The following GABPB2 variants were observed in gnomAD, a reference collection of about 807,000 sequenced individuals.
GABPB2 encodes the protein GA binding protein transcription factor subunit beta 2, also known as GA-binding protein subunit beta-2.
In GABPB2, 23 loss-of-function variants were observed where a neutral mutation model predicts 39.1. The ratio of observed to expected loss-of-function variants is 0.59; its 90% CI spans 0.42 to 0.83. GABPB2 has a LOEUF of 0.83. Ranked by LOEUF, GABPB2 falls within the 40% of genes least tolerant of loss-of-function variation. GABPB2 has a pLI of 0.00. For synonymous variants in GABPB2, 184 were observed against 199.3 expected (o/e 0.92, Z 0.65); for missense variants, 467 against 541.1 (o/e 0.86, Z 1.36).
At chr1:151,093,632 A>G (rs1409034679) in intron 4 of GABPB2, among the ~76,000 whole-genome samples, 1 of 150,250 alleles carries the variant, frequency 6.7e-6, no homozygotes, top group Non-Finnish European at 1.5e-5. Flanking sequence ...TAATATATAT[A>G]TTCTATAAAG....
At chr1:151,085,342 A>T (rs1678089610) in intron 1 of GABPB2, among the ~76,000 whole-genome samples, 1 of 152,194 alleles carries the variant, frequency 6.6e-6, no homozygotes, top group Non-Finnish European at 1.5e-5. Flanking sequence ...GGTTGCAGTG[A>T]TCTGAAATCA....
At chr1:151,109,575 G>A (rs1327771823) in intron 7 of GABPB2, among the ~76,000 whole-genome samples, 1 of 151,076 alleles carries the variant, frequency 6.6e-6, no homozygotes, top group East Asian at 1.9e-4. Context: ...TGGTCAGCCT[G>A]GTCTCGAACT....
chr1:151,113,783 G>T (rs1338278149), intron 7 of GABPB2, among the ~76,000 whole-genome samples: 1 of 152,162 alleles, frequency 6.6e-6, no homozygotes, highest in Non-Finnish European at 1.5e-5. Context: ...CTCCCAAAGT[G>T]CTGGGATTAC....
rs1233612999 is a variant in GABPB2 at position 151,115,677 on chromosome 1, A to G, written c.923-1715A>G. Among the ~76,000 whole-genome samples the G allele has an allele frequency of 2.6e-5, 4 of 152,128 alleles. No homozygotes were observed. The East Asian group carries it at 5.8e-4, about 22-fold the overall frequency. On this transcript the variant is annotated intron_variant, in intron 7 of 8. Transcript: ENST00000368918. ...CGACCCCCCAAAGTGCTGGGATTAC[A>G]GGGCATGAGCCACTGCGCCCATCCT...
chr1:151,090,794 C>T (rs1678611869), intron 3 of GABPB2, among the ~76,000 whole-genome samples: 1 of 151,582 alleles, frequency 6.6e-6, no homozygotes, highest in Non-Finnish European at 1.5e-5. Context: ...GAATTCGAGA[C>T]CAGCCAGACC....
chr1:151,078,858 G>A (rs1351880873), intron 1 of GABPB2, among the ~76,000 whole-genome samples: 1 of 151,552 alleles, frequency 6.6e-6, no homozygotes, highest in Non-Finnish European at 1.5e-5. Context: ...TTTTAGTAGG[G>A]GCGGGATTTC....
At chr1:151,099,258 C>T (rs373780647) in intron 5 of GABPB2, among the ~76,000 whole-genome samples, 27 of 151,692 alleles carry the variant, frequency 1.8e-4, no homozygotes, top group African/African-American at 5.1e-4. Context: ...AGTGCAGTGG[C>T]GCAATCTTGG....
At chr1:151,116,943 A>G (rs1294269378) in intron 7 of GABPB2, among the ~76,000 whole-genome samples, 1 of 152,060 alleles carries the variant, frequency 6.6e-6, no homozygotes, top group Non-Finnish European at 1.5e-5. Context: ...AATTGGCCAT[A>G]GGTGACCTAG....
chr1:151,090,682 C>CAGTT, intron 3 of GABPB2, 109 bp downstream of exon 3: 1 of 1,102,046 alleles, frequency 9.1e-7, no homozygotes, highest in Non-Finnish European at 1.3e-6. Flanking sequence ...AAGTTTAGGA[C>CAGTT]AGTTATAGCA....
intron 7 of GABPB2, among the ~76,000 whole-genome samples, chr1:151,113,905 TC>T (rs1215615047): frequency 6.6e-6 from 1 of 152,226 alleles, no homozygotes; most frequent in African/African-American, 2.4e-5. Flanking sequence ...TCAGCATAAT[TC>T]CCTTGATACC....
chr1:151,088,307 G>C lies in GABPB2; in HGVS notation c.108+10G>C, dbSNP rs1272057884. The C allele has an allele frequency of 2.5e-5, 40 of 1,597,416 alleles. No homozygotes were observed. Among genetic ancestry groups the C allele is most frequent in the Non-Finnish European group, 2.8e-5 (33 of 1,166,942 alleles). ...ATTCACCACAGACTGGGTAAGCTTA[G>C]AGGAGAGGTCTCTTAATTATTTCCA... On this transcript the variant is annotated intron_variant, in intron 2 of 8. Transcript: ENST00000368918.
chr1:151,085,331 A>T lies in GABPB2; in HGVS notation c.1-2859A>T, dbSNP rs150639314. Among the ~76,000 whole-genome samples, 1,176 of 152,280 alleles carry T rather than the reference A, an allele frequency of 7.7e-3. 16 individuals are homozygous for T. Among genetic ancestry groups the T allele is most frequent in the African/African-American group, 0.027 (1,125 of 41,552 alleles). ...AGAATCGCTTGTACCTGGGAAGCAGAGGTTGCAGTGATCTGAAATCATGCC... is the reference window on the plus strand; with the variant it reads ...AGAATCGCTTGTACCTGGGAAGCAGTGGTTGCAGTGATCTGAAATCATGCC... On this transcript the variant is annotated intron_variant, in intron 1 of 8. Transcript: ENST00000368918.
At position 151,122,995 on chromosome 1, in the gene GABPB2, T is replaced by C. The variant is rs932179551; in HGVS notation, c.*4739T>C. ...GAGAGAATGGCAGGTGAGGATGCTTTGAAGTAGTTAGAAATTAAATATTGA... is the reference window on the plus strand; with the variant it reads ...GAGAGAATGGCAGGTGAGGATGCTTCGAAGTAGTTAGAAATTAAATATTGA... On this transcript the variant is annotated 3_prime_UTR_variant, in exon 9 of 9. Coordinates refer to ENST00000368918, the MANE Select transcript of GABPB2 (RefSeq NM_144618.3). 2.0e-5 allele frequency: 3 copies of C among 152,164 alleles called. No homozygotes were observed. The highest frequency in any genetic ancestry group is 2.0e-4 in the Admixed American group (3 of 15,278). The allele number at this position is 152,164 out of a possible 1,614,324, so 9.4% of individuals were successfully genotyped here.
At chr1:151,076,954 C>T (rs1277172123) in intron 1 of GABPB2, among the ~76,000 whole-genome samples, 3 of 151,846 alleles carry the variant, frequency 2.0e-5, no homozygotes, top group Admixed American at 6.6e-5. Context: ...CCACCACACC[C>T]GGCTAATTTT....
chr1:151,108,218 G>A (rs1680121589), intron 7 of GABPB2, among the ~76,000 whole-genome samples: 1 of 152,272 alleles, frequency 6.6e-6, no homozygotes, highest in East Asian at 1.9e-4. Flanking sequence ...TGCCCAGGCT[G>A]GAGCGCAGTG....
chr1:151,098,320 C>T (rs1050698928), intron 5 of GABPB2, among the ~76,000 whole-genome samples: 12 of 151,960 alleles, frequency 7.9e-5, no homozygotes, highest in African/African-American at 1.2e-4. Flanking sequence ...GACTGGACAA[C>T]ATAGCAAGAC....
intron 6 of GABPB2, among the ~76,000 whole-genome samples, chr1:151,105,384 A>G (rs12066452): frequency 0.012 from 1,795 of 149,422 alleles, 29 homozygotes; most frequent in African/African-American, 0.039. Context: ...ATATGTGTGT[A>G]TATATATGTA....
intron 1 of GABPB2, among the ~76,000 whole-genome samples, chr1:151,079,588 A>G (rs1677473622): frequency 6.6e-6 from 1 of 151,448 alleles, no homozygotes; most frequent in African/African-American, 2.4e-5. Flanking sequence ...AAAGCAGACT[A>G]CAGTATAAAA....
Position 151,118,328 on chromosome 1 carries a change from A to T in GABPB2, c.*72A>T. 1 of 1,374,052 alleles carries T rather than the reference A, an allele frequency of 7.3e-7. No individual in the cohort carries two copies. Among genetic ancestry groups the T allele is most frequent in the Non-Finnish European group, 1.0e-6 (1 of 1,004,666 alleles). 85.1% of individuals were successfully genotyped at this position (1,374,052 alleles called of 1,614,324 possible). ...AAAAAAGGAAATATACAGAAGACAA[A>T]CATTGTATAAAAACTAAGAGTGTCT... On this transcript the variant is annotated 3_prime_UTR_variant, in exon 9 of 9. Transcript: ENST00000368918.
Sources: gnomAD v4.1 joint callset for allele counts (sites outside exome capture counted in the v4.1 genomes callset) on GRCh38, gnomAD v4.1.1 for gene constraint, MANE v1.5 for transcripts, NCBI Gene and HGNC (gene_info 2026-07-23, HGNC 2026-07-21) for gene names.